PUM1: variants seen among roughly 807,000 people sequenced by gnomAD.
PUM1 encodes pumilio RNA binding family member 1, also known as pumilio homolog 1.
Under a neutral mutation model 131.8 loss-of-function variants are expected in PUM1, and 13 were observed. The observed-to-expected ratio is 0.10, with a 90% CI of 0.06 to 0.16. PUM1 has a LOEUF of 0.16. Ranked by LOEUF, PUM1 falls within the 10% of genes least tolerant of loss-of-function variation. PUM1 has a pLI of 1.00. For synonymous variants in PUM1, 509 were observed against 556.5 expected, an observed-to-expected ratio of 0.91 and a Z score of 1.20; for missense variants, 961 against 1,512.4, an observed-to-expected ratio of 0.64 and a Z score of 6.05.
intron 3 of PUM1, among the ~76,000 whole-genome samples, chr1:31,012,346 T>G (rs1642649335): frequency 6.6e-6 from 1 of 152,046 alleles, no homozygotes; most frequent in Non-Finnish European, 1.5e-5. Context: ...ATCTACAAAC[T>G]GAGAACCATG....
intron 2 of PUM1, among the ~76,000 whole-genome samples, chr1:31,054,396 A>C (rs1644186694): frequency 6.6e-6 from 1 of 152,040 alleles, no homozygotes; most frequent in Admixed American, 6.6e-5. Context: ...GAAATAAAGT[A>C]CCTGGCATGA....
chr1:31,017,713 G>A (rs1340182380), intron 3 of PUM1, among the ~76,000 whole-genome samples: 3 of 152,026 alleles, frequency 2.0e-5, no homozygotes, highest in Non-Finnish European at 4.4e-5. Flanking sequence ...AGTGGAGCAG[G>A]TGCCCACCTG....
Position 30,936,757 on chromosome 1 carries a change from G to A in PUM1, c.3321C>T (p.Asn1107=), listed in dbSNP as rs1375835666. ...AVLIDEVCTM[N]DGPHSALYTM... ...TGTATAAGGCACTGTGGGGACCGTC[G>A]TTCATGGTGCACACCTCATCGATGA... Residue 1107 remains asparagine, a synonymous_variant, in exon 21 of 22, where the codon AAC becomes AAT. Coordinates refer to ENST00000426105, the MANE Select transcript of PUM1 (RefSeq NM_001020658.2). 7.4e-6 allele frequency: 12 copies of A among 1,613,732 alleles called. No homozygotes were observed. Among genetic ancestry groups the A allele is most frequent in the Admixed American group, 1.7e-5 (1 of 60,002 alleles).
intron 2 of PUM1, chr1:31,036,746 G>A (rs1207513282): frequency 1.3e-5 from 2 of 152,914 alleles, no homozygotes; most frequent in Non-Finnish European, 2.9e-5. Context: ...TAGGTCTTTG[G>A]AGCCACACTC....
At chr1:31,001,537 G>C (rs553685956) in intron 5 of PUM1, among the ~76,000 whole-genome samples, 5 of 152,068 alleles carry the variant, frequency 3.3e-5, no homozygotes, top group Non-Finnish European at 1.5e-5. Context: ...ATTGAAATTA[G>C]AACAAACAAA....
intron 18 of PUM1, among the ~76,000 whole-genome samples, chr1:30,944,249 C>T (rs1363547733): frequency 1.3e-5 from 2 of 152,142 alleles, no homozygotes; most frequent in Non-Finnish European, 2.9e-5. Flanking sequence ...CTCAGCAGTA[C>T]ATAAATTATA....
chr1:31,008,147 G>A (rs114790472), intron 3 of PUM1, among the ~76,000 whole-genome samples: 2,804 of 152,178 alleles, frequency 0.018, 46 homozygotes, highest in Non-Finnish European at 0.028. Context: ...TCTCCTTGAC[G>A]ATAAAGGTTT....
At chr1:31,020,650 A>G (rs1436461045) in intron 3 of PUM1, among the ~76,000 whole-genome samples, 1 of 152,172 alleles carries the variant, frequency 6.6e-6, no homozygotes, top group Non-Finnish European at 1.5e-5. Context: ...ATGGGACCAA[A>G]TACTCTAATA....
chr1:31,058,136 C>T (rs1212329402), intron 2 of PUM1, among the ~76,000 whole-genome samples: 2 of 152,108 alleles, frequency 1.3e-5, no homozygotes, highest in Non-Finnish European at 2.9e-5. Context: ...AACCTAAAAG[C>T]CACAACCACT....
At chr1:31,004,588 T>C (rs944224867) in intron 5 of PUM1, among the ~76,000 whole-genome samples, 29 of 152,154 alleles carry the variant, frequency 1.9e-4, no homozygotes, top group Non-Finnish European at 3.4e-4. Flanking sequence ...TCCTATCTGA[T>C]TCACAAGCTA....
chr1:30,946,146 C>G (rs1326933382), intron 17 of PUM1, among the ~76,000 whole-genome samples: 1 of 152,042 alleles, frequency 6.6e-6, no homozygotes, highest in Non-Finnish European at 1.5e-5. Context: ...AAGCCTACAT[C>G]AGGAACAGAT....
chr1:31,028,308 C>A (rs1319840584), intron 3 of PUM1, among the ~76,000 whole-genome samples: 2 of 152,050 alleles, frequency 1.3e-5, no homozygotes, highest in African/African-American at 4.8e-5. Context: ...CTAACAACTT[C>A]CCTTTCACAA....
chr1:31,044,124 G>A (rs373296734), intron 2 of PUM1, among the ~76,000 whole-genome samples: 5 of 152,212 alleles, frequency 3.3e-5, no homozygotes, highest in South Asian at 4.1e-4. Flanking sequence ...AAAGAAGGCC[G>A]GGCGCAGTGG....
intron 7 of PUM1, among the ~76,000 whole-genome samples, chr1:30,988,654 G>A (rs1641659003): frequency 1.3e-5 from 2 of 152,188 alleles, no homozygotes. Context: ...GAGACTTCCA[G>A]CTGGTTCTCA....
intron 4 of PUM1, 87 bp downstream of exon 4, chr1:31,006,907 G>T: frequency 2.1e-6 from 2 of 959,318 alleles, no homozygotes; most frequent in Non-Finnish European, 3.3e-6. Flanking sequence ...TTATGTCACT[G>T]ATGTAAAATT....
chr1:31,012,096 T>C (rs1642640493), intron 3 of PUM1, among the ~76,000 whole-genome samples: 1 of 152,168 alleles, frequency 6.6e-6, no homozygotes, highest in South Asian at 2.1e-4. Flanking sequence ...GTAATCTCCC[T>C]GGCTCCAACT....
At chr1:31,038,984 A>ATATATATATTTTTTTT in intron 2 of PUM1, among the ~76,000 whole-genome samples, 11 of 49,410 alleles carry the variant, frequency 2.2e-4, no homozygotes, top group East Asian at 1.3e-3. Context: ...ATATATATAT[A>ATATATATATTTTTTTT]TTTTTTTTTT....
chr1:31,039,690 C>G (rs1303032044), intron 2 of PUM1, among the ~76,000 whole-genome samples: 2 of 151,370 alleles, frequency 1.3e-5, no homozygotes, highest in Non-Finnish European at 2.9e-5. Context: ...CACCTGAGGT[C>G]AGGAGTTCAA....
In PUM1 at chr1:30,968,465, G is replaced by C. The variant is rs200987656; in HGVS notation, c.1534C>G (p.Pro512Ala). 7.8e-5 allele frequency: 124 copies of C among 1,591,848 alleles called. No individual in the cohort carries two copies. The highest frequency in any genetic ancestry group is 1.0e-4 in the Non-Finnish European group (123 of 1,174,260). The change falls in exon 11 of 22, where the codon CCT becomes GCT. Residue 512 changes from proline (P) to alanine (A), a missense_variant. Pro to Ala is a conservative substitution (Grantham distance 27). Around this residue, in one of 4 missense-constraint regions of PUM1, gnomAD observed 654 missense variants for 923.9 expected, o/e 0.71. Coordinates refer to ENST00000426105, the MANE Select transcript of PUM1 (RefSeq NM_001020658.2). The stretch of plus-strand genomic sequence containing the variant: ...TGCTGGTTCTGGTTTGGGGTCAAAG[G>C]ACGTTGGCTGGCTCCTCCACGGAGA... ...QVLRGGASQR[P>A]LTPNQNQQGQ...
Sources: allele counts gnomAD v4.1 joint callset (sites outside exome capture counted in the v4.1 genomes callset), GRCh38; gene constraint gnomAD v4.1.1; regional missense constraint gnomAD v4.1.1; transcripts MANE v1.5; gene names NCBI Gene and HGNC (gene_info 2026-07-23, HGNC 2026-07-21).